Variants in RBFOX1 observed in about 807,000 individuals in gnomAD.
RBFOX1 encodes the protein RNA binding protein fox-1 homolog 1.
RBFOX1 carries 8 observed loss-of-function variants against 57.7 expected under a neutral mutation model. The observed-to-expected ratio is 0.14, with a 90% CI of 0.08 to 0.25. The LOEUF (loss-of-function observed/expected upper bound fraction) is 0.25. Among genes scored for constraint, RBFOX1 ranks in the 10% least tolerant of loss-of-function variants. RBFOX1 has a pLI of 1.00. For synonymous variants in RBFOX1, 326 were observed against 222.4 expected (o/e 1.47, Z -4.15); for missense variants, 611 against 548.5 (o/e 1.11, Z -1.14).
chr16:6,085,722 G>T (rs996631587), intron 1 of RBFOX1, among the ~76,000 whole-genome samples: 4 of 152,150 alleles, frequency 2.6e-5, no homozygotes, highest in Non-Finnish European at 5.9e-5. Context: ...GATGCAGCCC[G>T]TGGCGCTTAA....
intron 2 of RBFOX1, among the ~76,000 whole-genome samples, chr16:5,546,460 A>G (rs1210684229): frequency 6.6e-6 from 1 of 152,236 alleles, no homozygotes; most frequent in Non-Finnish European, 1.5e-5. Flanking sequence ...TACTATTGAC[A>G]TCAAGGTAGA....
intron 3 of RBFOX1, among the ~76,000 whole-genome samples, chr16:5,821,321 A>AGTCTTGCT (rs1389065139): frequency 1.8e-5 from 2 of 111,662 alleles, no homozygotes; most frequent in Non-Finnish European, 3.4e-5. Flanking sequence ...TTTGAGACGG[A>AGTCTTGCT]GTCTTGCTGT....
At chr16:6,112,633 G>A (rs149173988) in intron 1 of RBFOX1, among the ~76,000 whole-genome samples, 2 of 152,324 alleles carry the variant, frequency 1.3e-5, no homozygotes, top group East Asian at 3.9e-4. Context: ...GGAGGTTGCG[G>A]TGAGCTGAGA....
At chr16:6,118,257 A>T (rs1025795829) in intron 1 of RBFOX1, among the ~76,000 whole-genome samples, 1 of 152,104 alleles carries the variant, frequency 6.6e-6, no homozygotes. Context: ...CCATTATTCC[A>T]CATTGTTTTT....
At chr16:5,318,084 G>A (rs2064291872) in intron 1 of RBFOX1, among the ~76,000 whole-genome samples, 1 of 152,078 alleles carries the variant, frequency 6.6e-6, no homozygotes, top group African/African-American at 2.4e-5. Context: ...GAGTTAAAGT[G>A]TCTCCTGCTA....
intron 3 of RBFOX1, among the ~76,000 whole-genome samples, chr16:6,955,743 C>T (rs1431221300): frequency 6.7e-6 from 1 of 150,168 alleles, no homozygotes; most frequent in Non-Finnish European, 1.5e-5. Flanking sequence ...CACTCTTGTT[C>T]CCCAAGCTGG....
At chr16:6,835,538 G>A (rs371829319) in intron 3 of RBFOX1, among the ~76,000 whole-genome samples, 1 of 151,870 alleles carries the variant, frequency 6.6e-6, no homozygotes, top group South Asian at 2.1e-4. Flanking sequence ...GATCACTTGA[G>A]GCCAGGAGTT....
chr16:7,245,437 T>A (rs1367133198), intron 4 of RBFOX1, among the ~76,000 whole-genome samples: 2 of 130,946 alleles, frequency 1.5e-5, no homozygotes, highest in Non-Finnish European at 3.1e-5. Flanking sequence ...TAGTATTAGT[T>A]GAATGTTTGA....
intron 1 of RBFOX1, among the ~76,000 whole-genome samples, chr16:6,174,287 T>C (rs2152772904): frequency 6.6e-6 from 1 of 152,312 alleles, no homozygotes; most frequent in South Asian, 2.1e-4. Flanking sequence ...AAAGTGTGTG[T>C]CTCCTGTTGA....
intron 1 of RBFOX1, among the ~76,000 whole-genome samples, chr16:6,266,171 G>C (rs887292107): frequency 3.3e-5 from 5 of 152,164 alleles, no homozygotes; most frequent in Non-Finnish European, 5.9e-5. Context: ...AGATCAGTGA[G>C]TCACTTCTCT....
chr16:6,651,850 T>A (rs1281576804), intron 2 of RBFOX1, among the ~76,000 whole-genome samples: 1 of 152,154 alleles, frequency 6.6e-6, no homozygotes, highest in Non-Finnish European at 1.5e-5. Context: ...ATAAACCAAA[T>A]GTGGTCTCTC....
chr16:5,574,383 C>A (rs1596320266), intron 2 of RBFOX1, among the ~76,000 whole-genome samples: 1 of 151,726 alleles, frequency 6.6e-6, no homozygotes, highest in Non-Finnish European at 1.5e-5. Context: ...ATCTCAATAA[C>A]TGCTTTTGTT....
At chr16:7,707,670 G>C (rs1405393953) in intron 14 of RBFOX1, among the ~76,000 whole-genome samples, 1 of 152,104 alleles carries the variant, frequency 6.6e-6, no homozygotes, top group African/African-American at 2.4e-5. Context: ...ACTCAATGGT[G>C]CATCACTCAC....
At chr16:6,962,618 G>A (rs922907415) in intron 3 of RBFOX1, among the ~76,000 whole-genome samples, 2 of 152,056 alleles carry the variant, frequency 1.3e-5, no homozygotes, top group Admixed American at 6.6e-5. Flanking sequence ...TAATCCCAGG[G>A]CTTTGGGAGG....
intron 2 of RBFOX1, among the ~76,000 whole-genome samples, chr16:6,653,232 C>T (rs1322678946): frequency 6.6e-6 from 1 of 152,102 alleles, no homozygotes; most frequent in African/African-American, 2.4e-5. Flanking sequence ...CAGCATTTCC[C>T]ACCCCCTTCT....
rs549441641 is a variant in RBFOX1 at position 6,395,965 on chromosome 16, C to G, written c.-64+78908C>G. ...CCTGTAGTCCCAGCTACTTGGGAGG[C>G]TGAGGCAGTAGAATTACTTGAATCC... On this transcript the variant is annotated intron_variant, in intron 2 of 15. Transcript: ENST00000550418. 3.4e-4 allele frequency among the ~76,000 whole-genome samples: 50 copies of G among 146,724 alleles called. No homozygotes were observed. The South Asian group carries it at 5.4e-3, about 16-fold the overall frequency.
intron 7 of RBFOX1, among the ~76,000 whole-genome samples, chr16:7,591,440 A>G (rs2094438837): frequency 6.6e-6 from 1 of 152,212 alleles, no homozygotes; most frequent in Non-Finnish European, 1.5e-5. Context: ...CAAAAAAGGA[A>G]GATATCACCT....
chr16:7,443,512 C>A (rs1167021654), intron 4 of RBFOX1, among the ~76,000 whole-genome samples: 1 of 151,578 alleles, frequency 6.6e-6, no homozygotes, highest in Non-Finnish European at 1.5e-5. Flanking sequence ...TTGAATCCTG[C>A]CAGATATGAA....
chr16:6,886,737 CAAGT>C (rs1447701531), intron 3 of RBFOX1, among the ~76,000 whole-genome samples: 8 of 142,974 alleles, frequency 5.6e-5, no homozygotes, highest in East Asian at 2.1e-4. Flanking sequence ...CGTGGGCAAG[CAAGT>C]GAGACTCTAT....
Sources: allele counts gnomAD v4.1 joint callset (sites outside exome capture counted in the v4.1 genomes callset), GRCh38; gene constraint gnomAD v4.1.1; transcripts MANE v1.5; gene names NCBI Gene and HGNC (gene_info 2026-07-23, HGNC 2026-07-21).